The following CDK14 variants were observed in gnomAD, a reference collection of about 807,000 sequenced individuals.
CDK14 encodes the protein cyclin dependent kinase 14, also known as cyclin-dependent kinase 14.
In CDK14, 34 loss-of-function variants were observed where a neutral mutation model predicts 60.7. The observed-to-expected ratio is 0.56, with a 90% CI of 0.43 to 0.75. The LOEUF (loss-of-function observed/expected upper bound fraction) is 0.75, where lower values mean the gene tolerates loss of function less well. Ranked by LOEUF, CDK14 falls within the 30% of genes least tolerant of loss-of-function variation. CDK14 has a pLI of 0.00. For missense variants in CDK14, 482 were observed against 564.1 expected, an observed-to-expected ratio of 0.85 and a Z score of 1.47; for synonymous variants, 197 against 203.7, an observed-to-expected ratio of 0.97 and a Z score of 0.28.
intron 14 of CDK14, among the ~76,000 whole-genome samples, chr7:91,174,212 G>T (rs1040318738): frequency 2.0e-4 from 30 of 151,748 alleles, no homozygotes; most frequent in East Asian, 3.9e-4. Context: ...CACCTCACAC[G>T]GCAGGGTATT....
intron 14 of CDK14, among the ~76,000 whole-genome samples, chr7:91,134,716 A>G (rs572387007): frequency 1.3e-5 from 2 of 152,148 alleles, no homozygotes; most frequent in African/African-American, 4.8e-5. Flanking sequence ...TTTACTAAAA[A>G]TATATACATT....
intron 14 of CDK14, among the ~76,000 whole-genome samples, chr7:91,133,031 A>G (rs1800164699): frequency 2.6e-5 from 4 of 152,178 alleles, no homozygotes; most frequent in African/African-American, 7.2e-5. Context: ...TTGTGAATAT[A>G]TAATATTTCA....
At chr7:90,915,440 A>G (rs1455731595) in intron 7 of CDK14, among the ~76,000 whole-genome samples, 4 of 151,992 alleles carry the variant, frequency 2.6e-5, no homozygotes, top group East Asian at 1.9e-4. Flanking sequence ...CAGCATGCTG[A>G]GTGTTGAGGT....
chr7:91,170,847 AC>A (rs1801494798), intron 14 of CDK14, among the ~76,000 whole-genome samples: 4 of 147,348 alleles, frequency 2.7e-5, no homozygotes, highest in Non-Finnish European at 6.0e-5. Flanking sequence ...GCTCACTGCA[AC>A]CTCCACCTCC....
intron 8 of CDK14, among the ~76,000 whole-genome samples, chr7:90,937,260 G>T (rs1793785078): frequency 6.6e-6 from 1 of 152,030 alleles, no homozygotes; most frequent in Admixed American, 6.6e-5. Flanking sequence ...ATCATTAGCT[G>T]ATTTTCGTTT....
intron 11 of CDK14, among the ~76,000 whole-genome samples, chr7:91,070,260 CTGCTGCTGCTGG>C (rs554471612): frequency 0.01 from 1,131 of 110,134 alleles, 17 homozygotes; most frequent in African/African-American, 0.034. Flanking sequence ...GCTGCTGCTG[CTGCTGCTGCTGG>C]TGGTGGTGGT....
intron 8 of CDK14, among the ~76,000 whole-genome samples, chr7:90,922,582 T>C (rs2117439109): frequency 6.6e-6 from 1 of 152,330 alleles, no homozygotes; most frequent in Non-Finnish European, 1.5e-5. Context: ...GACACATTAC[T>C]TTAAAGATAT....
At chr7:91,178,722 G>A (rs1021280697) in intron 14 of CDK14, among the ~76,000 whole-genome samples, 1 of 151,424 alleles carries the variant, frequency 6.6e-6, no homozygotes, top group African/African-American at 2.4e-5. Flanking sequence ...CATCATCACT[G>A]GCCATCAGAG....
At chr7:90,664,705 G>C (rs574105882) in intron 2 of CDK14, among the ~76,000 whole-genome samples, 110 of 151,496 alleles carry the variant, frequency 7.3e-4, no homozygotes, top group African/African-American at 2.2e-3. Context: ...AACCAAACAC[G>C]GCATGTTCTC....
At chr7:91,016,871 G>A (rs1434906184) in intron 10 of CDK14, among the ~76,000 whole-genome samples, 2 of 152,134 alleles carry the variant, frequency 1.3e-5, no homozygotes, top group African/African-American at 4.8e-5. Flanking sequence ...ACCAGTGAAG[G>A]CACAGAAGAT....
At chr7:91,194,012 A>C (rs1304924728) in intron 14 of CDK14, among the ~76,000 whole-genome samples, 2 of 152,182 alleles carry the variant, frequency 1.3e-5, no homozygotes, top group Non-Finnish European at 2.9e-5. Context: ...TCTTATTTGA[A>C]TCGCCAATCT....
At chr7:90,822,264 G>A (rs1346895014) in intron 5 of CDK14, among the ~76,000 whole-genome samples, 2 of 152,128 alleles carry the variant, frequency 1.3e-5, no homozygotes, top group African/African-American at 2.4e-5. Context: ...TACTGAAAGT[G>A]GTGAGATAAG....
rs370117018 is a variant in CDK14, at chr7:90,726,060, A to G, written c.124-507A>G. Among the ~76,000 whole-genome samples the G allele has an allele frequency of 6.6e-5, 10 of 152,332 alleles. No individual in the cohort carries two copies. The East Asian group carries it at 1.5e-3, about 23-fold the overall frequency. On this transcript the variant is annotated intron_variant, in intron 2 of 14. Coordinates refer to ENST00000380050, the MANE Select transcript of CDK14 (RefSeq NM_001287135.2). ...TTCATTCCAATTTGGAGATGAAATC[A>G]AGATGGGGACAGATTTTAAGCATAC... is the stretch of plus-strand genomic sequence containing the variant.
At chr7:90,800,298 T>G (rs1788589250) in intron 5 of CDK14, among the ~76,000 whole-genome samples, 1 of 152,216 alleles carries the variant, frequency 6.6e-6, no homozygotes. Flanking sequence ...ACAACTTCTT[T>G]TATTTCAAAT....
chr7:90,786,733 A>G (rs750170778), intron 4 of CDK14, among the ~76,000 whole-genome samples: 8 of 147,970 alleles, frequency 5.4e-5, no homozygotes, highest in Non-Finnish European at 8.9e-5. Context: ...CCTGGGCAAC[A>G]TAGTGAGACC....
Position 91,039,312 on chromosome 7 carries a change from T to A in CDK14, c.1042-6585T>A, listed in dbSNP as rs77223915. 8.3e-3 allele frequency among the ~76,000 whole-genome samples: 1,266 copies of A among 152,268 alleles called. 17 individuals carry two copies. The highest frequency in any genetic ancestry group is 0.029 in the African/African-American group (1,203 of 41,530). ...GAGCAACTCCAAGGCAGACACTTTT[T>A]AAAAAAATCGTTTATCTTCTACACA... On this transcript the variant is annotated intron_variant, in intron 10 of 14. Transcript: ENST00000380050.
At chr7:90,804,140 G>A (rs1271536087) in intron 5 of CDK14, among the ~76,000 whole-genome samples, 1 of 152,196 alleles carries the variant, frequency 6.6e-6, no homozygotes, top group Non-Finnish European at 1.5e-5. Flanking sequence ...GCGATATTGA[G>A]AAAGCTCCAT....
At position 91,006,002 on chromosome 7, in the gene CDK14, A is replaced by G. The variant is rs146460333; in HGVS notation, c.1041+21761A>G. Among the ~76,000 whole-genome samples, 11 of 152,312 alleles carry G rather than the reference A, an allele frequency of 7.2e-5. No individual in the cohort carries two copies. The East Asian group carries it at 9.6e-4, about 13-fold the overall frequency. On this transcript the variant is annotated intron_variant, in intron 10 of 14. Coordinates refer to ENST00000380050, the MANE Select transcript of CDK14 (RefSeq NM_001287135.2). ...CCCAGTCTTGTCCTGGTCCCACCCT[A>G]TAGGCAGTGATGGCTCCAGGCTCAT... is the stretch of plus-strand genomic sequence containing the variant.
At chr7:91,034,923 TAC>T (rs112903211) in intron 10 of CDK14, among the ~76,000 whole-genome samples, 3,122 of 136,018 alleles carry the variant, frequency 0.023, 105 homozygotes, top group African/African-American at 0.08. Context: ...CACACCTGTG[TAC>T]ACACACACAC....
Sources: allele counts gnomAD v4.1 joint callset (sites outside exome capture counted in the v4.1 genomes callset), GRCh38; gene constraint gnomAD v4.1.1; transcripts MANE v1.5; gene names NCBI Gene and HGNC (gene_info 2026-07-23, HGNC 2026-07-21).